The following ARB2A variants were observed in gnomAD, a reference collection of about 807,000 sequenced individuals.
ARB2A encodes the protein cotranscriptional regulator ARB2A.
chr5:93,741,456 G>A, the ARB2A span: 74 of 1,613,434 alleles, frequency 4.6e-5, no homozygotes, highest in Non-Finnish European at 5.5e-5. Flanking sequence ...CCGCCTGGGT[G>A]CTCAACCAGG....
At chr5:93,955,497 G>A in the ARB2A span, among the ~76,000 whole-genome samples, 1 of 152,140 alleles carries the variant, frequency 6.6e-6, no homozygotes, top group African/African-American at 2.4e-5. Flanking sequence ...AGATTCTTCT[G>A]AATAATCCAT....
chr5:93,958,943 T>C, the ARB2A span: 1 of 1,599,334 alleles, frequency 6.3e-7, no homozygotes, highest in Non-Finnish European at 8.5e-7. Context: ...GATAAAACTC[T>C]TTGGTTCACT....
chr5:93,658,278 T>C, the ARB2A span, among the ~76,000 whole-genome samples: 1 of 152,114 alleles, frequency 6.6e-6, no homozygotes, highest in African/African-American at 2.4e-5. Context: ...TTAAGGTACA[T>C]TTAAATGGTC....
At chr5:93,949,413 T>C in the ARB2A span, among the ~76,000 whole-genome samples, 1 of 151,828 alleles carries the variant, frequency 6.6e-6, no homozygotes, top group Non-Finnish European at 1.5e-5. Flanking sequence ...ATACAAAAAT[T>C]AGCTGGGCGT....
the ARB2A span, among the ~76,000 whole-genome samples, chr5:93,792,815 C>T: frequency 2.6e-5 from 4 of 151,610 alleles, no homozygotes; most frequent in African/African-American, 7.3e-5. Flanking sequence ...CTAACCTGCA[C>T]ATTGTGCACC....
At chr5:93,668,402 G>A in the ARB2A span, among the ~76,000 whole-genome samples, 2 of 152,216 alleles carry the variant, frequency 1.3e-5, no homozygotes, top group African/African-American at 4.8e-5. Context: ...CACCATGCCT[G>A]GCTTGTTAAA....
the ARB2A span, chr5:93,784,319 T>C: frequency 1.8e-6 from 2 of 1,109,710 alleles, no homozygotes; most frequent in African/African-American, 1.6e-5. Context: ...TACAGGTTGG[T>C]GGGGGCTCAA....
the ARB2A span, among the ~76,000 whole-genome samples, chr5:93,968,301 G>A: frequency 3.3e-5 from 5 of 152,076 alleles, no homozygotes; most frequent in African/African-American, 1.2e-4. Context: ...ACTATAATAT[G>A]TTAAGGCTTT....
the ARB2A span, among the ~76,000 whole-genome samples, chr5:93,990,627 A>G: frequency 6.7e-6 from 1 of 150,012 alleles, no homozygotes; most frequent in Non-Finnish European, 1.5e-5. Context: ...GAGTAAAAAA[A>G]AAAAAAAAAA....
the ARB2A span, among the ~76,000 whole-genome samples, chr5:93,854,024 A>G: frequency 7.9e-5 from 12 of 152,288 alleles, no homozygotes; most frequent in African/African-American, 2.6e-4. Context: ...GTAGTTTCAG[A>G]AGGAATGGTA....
the ARB2A span, among the ~76,000 whole-genome samples, chr5:93,891,979 T>C: frequency 6.6e-6 from 1 of 152,300 alleles, no homozygotes; most frequent in East Asian, 1.9e-4. Flanking sequence ...CAGAAAGTGC[T>C]GAAGCACCCC....
the ARB2A span, among the ~76,000 whole-genome samples, chr5:93,732,586 TAAAAAAA>T: frequency 7.0e-6 from 1 of 142,292 alleles, no homozygotes; most frequent in Admixed American, 7.1e-5. Flanking sequence ...GGCCTCTGAT[TAAAAAAA>T]AAAAAACCCA....
chr5:94,074,838 TCCTC>T, the ARB2A span: 14 of 1,012,814 alleles, frequency 1.4e-5, no homozygotes, highest in Middle Eastern at 2.1e-4. Context: ...ACTTCCTTGA[TCCTC>T]CCAGTCAGGA....
chr5:94,003,131 A>G, the ARB2A span, among the ~76,000 whole-genome samples: 1 of 152,342 alleles, frequency 6.6e-6, no homozygotes, highest in South Asian at 2.1e-4. Context: ...AAGCCAAAAT[A>G]TAAACAACTT....
chr5:94,032,451 G>A, the ARB2A span, among the ~76,000 whole-genome samples: 16 of 152,178 alleles, frequency 1.1e-4, no homozygotes, highest in South Asian at 4.2e-4. Flanking sequence ...TAGACACCAC[G>A]GGAATGGTGC....
chr5:94,048,173 G>A, the ARB2A span, among the ~76,000 whole-genome samples: 1 of 146,584 alleles, frequency 6.8e-6, no homozygotes, highest in East Asian at 2.1e-4. Flanking sequence ...TCCTGCCTCA[G>A]CCTCCTGAGT....
the ARB2A span, among the ~76,000 whole-genome samples, chr5:93,928,657 C>T: frequency 6.6e-6 from 1 of 152,234 alleles, no homozygotes; most frequent in South Asian, 2.1e-4. Context: ...AAGTAATCTA[C>T]TTTAAATTAG....
the ARB2A span, chr5:93,861,510 T>C: frequency 1.3e-5 from 2 of 152,218 alleles, no homozygotes; most frequent in Non-Finnish European, 2.9e-5. Flanking sequence ...GGTAGGGTCA[T>C]GTGTTCTTTG....
the ARB2A span, among the ~76,000 whole-genome samples, chr5:93,885,782 C>G: frequency 6.6e-6 from 1 of 151,754 alleles, no homozygotes; most frequent in East Asian, 1.9e-4. Flanking sequence ...ATCAGAAACC[C>G]TTAAAAGTTC....
Sources: gnomAD v4.1 joint callset for allele counts (sites outside exome capture counted in the v4.1 genomes callset) on GRCh38, gnomAD v4.1.1 for gene constraint, MANE v1.5 for transcripts, NCBI Gene and HGNC (gene_info 2026-07-23, HGNC 2026-07-21) for gene names.